Variants in LOC128071547 observed in about 807,000 individuals in gnomAD.
At chr12:120,534,752 G>C in the LOC128071547 span, 1 of 1,510,874 alleles carries the variant, frequency 6.6e-7, no homozygotes, top group Non-Finnish European at 8.8e-7. Context: ...AACGCCATGA[G>C]CCTGGGTCCC....
chr12:120,534,789 C>T, the LOC128071547 span: 6 of 1,547,304 alleles, frequency 3.9e-6, no homozygotes, highest in East Asian at 7.2e-5. Flanking sequence ...CTCCGACTGC[C>T]GTCGCCGCCG....
chr12:120,534,955 TA>T, the LOC128071547 span: 1 of 1,599,974 alleles, frequency 6.3e-7, no homozygotes. Context: ...CCGGCGAGTC[TA>T]AACCCAAGAG....
At chr12:120,534,766 C>A in the LOC128071547 span, 3 of 1,521,018 alleles carry the variant, frequency 2.0e-6, no homozygotes, top group Non-Finnish European at 2.6e-6. Flanking sequence ...GGGTCCCCGC[C>A]GCGCCCGCTC....
the LOC128071547 span, chr12:120,534,705 C>A: frequency 7.1e-7 from 1 of 1,401,936 alleles, no homozygotes; most frequent in South Asian, 1.6e-5. Flanking sequence ...CCATGAAGGC[C>A]GAGAACCGCT....
chr12:120,534,783 G>T, the LOC128071547 span: 4 of 1,542,582 alleles, frequency 2.6e-6, no homozygotes, highest in Middle Eastern at 1.7e-4. Flanking sequence ...GCTCCGCTCC[G>T]ACTGCCGTCG....
chr12:120,534,851 G>T, the LOC128071547 span: 1 of 1,606,582 alleles, frequency 6.2e-7, no homozygotes. Context: ...CACCGCCTCC[G>T]ACATGGACAA....
At chr12:120,534,867 G>A in the LOC128071547 span, 1 of 1,608,420 alleles carries the variant, frequency 6.2e-7, no homozygotes, top group Non-Finnish European at 8.5e-7. Flanking sequence ...GACAAGAACA[G>A]CGGCTCCAAC....
the LOC128071547 span, chr12:120,534,872 T>A: frequency 6.2e-7 from 1 of 1,608,210 alleles, no homozygotes; most frequent in Non-Finnish European, 8.5e-7. Context: ...GAACAGCGGC[T>A]CCAACAGCTC....
chr12:120,534,901 C>G, the LOC128071547 span: 1 of 1,607,792 alleles, frequency 6.2e-7, no homozygotes. Context: ...CTTCGGGCAG[C>G]AGCAAAGGGC....
At chr12:120,534,704 C>T in the LOC128071547 span, 7 of 1,401,260 alleles carry the variant, frequency 5.0e-6, no homozygotes, top group Non-Finnish European at 6.4e-6. Context: ...GCCATGAAGG[C>T]CGAGAACCGC....
the LOC128071547 span, chr12:120,534,749 T>G: frequency 2.7e-6 from 4 of 1,494,048 alleles, no homozygotes; most frequent in Non-Finnish European, 3.5e-6. Flanking sequence ...CTGAACGCCA[T>G]GAGCCTGGGT....
At chr12:120,534,864 A>G in the LOC128071547 span, 1 of 1,608,430 alleles carries the variant, frequency 6.2e-7, no homozygotes, top group Admixed American at 1.7e-5. Context: ...ATGGACAAGA[A>G]CAGCGGCTCC....
the LOC128071547 span, chr12:120,534,932 T>C: frequency 6.2e-7 from 1 of 1,603,330 alleles, no homozygotes; most frequent in South Asian, 1.1e-5. Context: ...CCGCTCCGCC[T>C]CGGCGGGGCC....
chr12:120,534,953 T>C, the LOC128071547 span: 59 of 1,599,490 alleles, frequency 3.7e-5, no homozygotes, highest in Non-Finnish European at 4.8e-5. Context: ...AGCCGGCGAG[T>C]CTAAACCCAA....
At chr12:120,534,773 G>A in the LOC128071547 span, 1 of 1,532,524 alleles carries the variant, frequency 6.5e-7, no homozygotes, top group South Asian at 1.2e-5. Flanking sequence ...CGCCGCGCCC[G>A]CTCCGCTCCG....
the LOC128071547 span, chr12:120,534,882 C>G: frequency 2.5e-6 from 4 of 1,608,468 alleles, no homozygotes; most frequent in Admixed American, 1.7e-5. Flanking sequence ...TCCAACAGCT[C>G]CTCCGCCTCT....
the LOC128071547 span, chr12:120,534,806 C>G: frequency 5.1e-6 from 8 of 1,567,612 alleles, no homozygotes; most frequent in South Asian, 2.3e-5. Context: ...GCCGAGGCCC[C>G]CGTTGATGCC....
At chr12:120,534,939 G>T in the LOC128071547 span, 6 of 1,602,354 alleles carry the variant, frequency 3.7e-6, no homozygotes, top group Admixed American at 1.0e-4. Context: ...GCCTCGGCGG[G>T]GCCAGCCGGC....
the LOC128071547 span, chr12:120,534,924 G>T: frequency 6.2e-7 from 1 of 1,605,434 alleles, no homozygotes. Context: ...CAGCCGCCCC[G>T]CTCCGCCTCG....
Sources: gnomAD v4.1 joint callset for allele counts on GRCh38, gnomAD v4.1.1 for gene constraint, MANE v1.5 for transcripts.